Variants in PTER observed in about 807,000 individuals in gnomAD.
PTER encodes the protein N-acetyltaurine hydrolase.
PTER carries 38 observed loss-of-function variants against 29.6 expected under a neutral mutation model. The observed-to-expected ratio is 1.28, with a 90% CI of 0.99 to 1.68. The LOEUF is 1.68. Ranked by LOEUF, PTER falls within the 40% of genes most tolerant of loss-of-function variation. The pLI, the probability that PTER is intolerant of heterozygous loss-of-function variation, is 0.00. For missense variants in PTER, 482 were observed against 427.8 expected, an observed-to-expected ratio of 1.13 and a Z score of -1.12; for synonymous variants, 172 against 154.5, an observed-to-expected ratio of 1.11 and a Z score of -0.84.
intron 1 of PTER, among the ~76,000 whole-genome samples, chr10:16,470,579 C>T (rs1835010072): frequency 6.6e-6 from 1 of 152,074 alleles, no homozygotes; most frequent in African/African-American, 2.4e-5. Context: ...ACCAGCCTGG[C>T]CAACAGAGTG....
chr10:16,484,958 G>C, intron 2 of PTER, 142 bp downstream of exon 2: 3 of 860,156 alleles, frequency 3.5e-6, no homozygotes, highest in Non-Finnish European at 5.1e-6. Flanking sequence ...TGGGGCCCCA[G>C]TTAGTAACAC....
intron 4 of PTER, 81 bp downstream of exon 4, chr10:16,505,241 AT>A: frequency 6.5e-7 from 1 of 1,532,124 alleles, no homozygotes; most frequent in Admixed American, 1.9e-5. Flanking sequence ...ATTAGCAAAG[AT>A]TCAGAAAACA....
intron 3 of PTER, among the ~76,000 whole-genome samples, chr10:16,501,373 A>G (rs921101554): frequency 2.0e-4 from 29 of 143,834 alleles, no homozygotes; most frequent in East Asian, 6.6e-4. Flanking sequence ...ACACACATGC[A>G]CACACACACA....
At position 16,438,537 on chromosome 10, in the gene PTER, G is replaced by C. The variant is rs1237852282; in HGVS notation, c.-49+1490G>C. 2.5e-4 allele frequency among the ~76,000 whole-genome samples: 37 copies of C among 148,692 alleles called. No homozygotes were observed. In the Middle Eastern group the frequency reaches 0.011, roughly 43 times the overall value. On this transcript the variant is annotated intron_variant, in intron 1 of 4. Transcript: ENST00000535784. ...TTGTCCAGGTTGGTGTCAAACTCCT[G>C]GGCTCAAATGATCTGGCTGCCTCGG... is the stretch of plus-strand genomic sequence containing the variant.
chr10:16,477,524 T>C (rs1835324201), intron 1 of PTER, among the ~76,000 whole-genome samples: 1 of 152,158 alleles, frequency 6.6e-6, no homozygotes, highest in Non-Finnish European at 1.5e-5. Context: ...CTTTCATTGT[T>C]TGTTAGTGAT....
At chr10:16,476,760 G>A (rs1687906589) in intron 1 of PTER, among the ~76,000 whole-genome samples, 1 of 151,450 alleles carries the variant, frequency 6.6e-6, no homozygotes, top group Admixed American at 6.6e-5. Context: ...ACAAGGTGTT[G>A]CTATGTTTCC....
In PTER at chr10:16,511,602, A is replaced by C. The variant is rs1836813373; in HGVS notation, c.*346A>C. ...GAGAAAATTTAAAGTGTTTCTAGTT[A>C]AATTATTTCCTTCTTGAGCGATCTA... On this transcript the variant is annotated 3_prime_UTR_variant, in exon 5 of 5. Transcript: ENST00000535784. 4.4e-6 allele frequency: 1 copy of C among 225,926 alleles called. No individual in the cohort carries two copies. The highest frequency in any genetic ancestry group is 9.4e-5 in the South Asian group (1 of 10,630). The allele number at this position is 225,926 out of a possible 1,614,324, so 14.0% of individuals were successfully genotyped here.
At chr10:16,457,460 G>A (rs767107149) in intron 1 of PTER, among the ~76,000 whole-genome samples, 2 of 152,178 alleles carry the variant, frequency 1.3e-5, no homozygotes, top group Non-Finnish European at 2.9e-5. Flanking sequence ...TGATCCGCCC[G>A]TCTCGGCCTC....
At chr10:16,451,872 T>C (rs1004895767) in intron 1 of PTER, among the ~76,000 whole-genome samples, 1 of 152,190 alleles carries the variant, frequency 6.6e-6, no homozygotes, top group East Asian at 1.9e-4. Context: ...ATTGTGGAGA[T>C]GTTGCTAAGC....
At chr10:16,504,520 T>C (rs553665737) in intron 3 of PTER, among the ~76,000 whole-genome samples, 39 of 152,348 alleles carry the variant, frequency 2.6e-4, no homozygotes, top group East Asian at 1.7e-3. Context: ...AGAACCACTT[T>C]ACAATCTTCA....
chr10:16,474,924 T>C (rs1449273708), intron 1 of PTER, among the ~76,000 whole-genome samples: 1 of 152,162 alleles, frequency 6.6e-6, no homozygotes, highest in African/African-American at 2.4e-5. Flanking sequence ...CTCATCATTC[T>C]GAAGGCTGAG....
chr10:16,438,586 G>C (rs975837589), intron 1 of PTER, among the ~76,000 whole-genome samples: 2 of 150,554 alleles, frequency 1.3e-5, no homozygotes, highest in African/African-American at 2.4e-5. Flanking sequence ...TAGGATTACA[G>C]GCGTGAGCCA....
intron 2 of PTER, 100 bp from the exon 3 acceptor site, chr10:16,486,252 A>C: frequency 1.6e-6 from 2 of 1,290,208 alleles, no homozygotes; most frequent in Non-Finnish European, 2.1e-6. Context: ...TTTTTAAAAG[A>C]ATGAATGACA....
At chr10:16,500,486 A>G (rs1361777140) in intron 3 of PTER, among the ~76,000 whole-genome samples, 2 of 151,854 alleles carry the variant, frequency 1.3e-5, no homozygotes, top group Non-Finnish European at 1.5e-5. Context: ...TCCTGAGCTC[A>G]AGGGATCCTT....
At chr10:16,439,556 A>C (rs901376265) in intron 1 of PTER, among the ~76,000 whole-genome samples, 1 of 152,192 alleles carries the variant, frequency 6.6e-6, no homozygotes, top group Non-Finnish European at 1.5e-5. Context: ...AGATTGTCTC[A>C]GTTTTAAGCT....
chr10:16,440,989 A>G (rs1004134700), intron 1 of PTER, among the ~76,000 whole-genome samples: 13 of 152,300 alleles, frequency 8.5e-5, no homozygotes, highest in African/African-American at 3.1e-4. Context: ...CCTATGAATC[A>G]TGCTCCTTTT....
At chr10:16,444,026 G>A (rs1390869658) in intron 1 of PTER, among the ~76,000 whole-genome samples, 5 of 141,750 alleles carry the variant, frequency 3.5e-5, no homozygotes, top group African/African-American at 1.1e-4. Context: ...TTTTTGAGAT[G>A]GAGTCTCGCT....
rs558554142 is a variant in PTER, at chr10:16,460,254, A to G, written c.-49+23207A>G. Among the ~76,000 whole-genome samples the G allele has an allele frequency of 8.5e-5, 13 of 152,286 alleles. No individual in the cohort carries two copies. In the South Asian group the frequency reaches 2.1e-3, roughly 24 times the overall value. On this transcript the variant is annotated intron_variant, in intron 1 of 4. Coordinates refer to ENST00000535784, the MANE Select transcript of PTER (RefSeq NM_001261836.2). ...CTTTTTTAGGCTAAGATGTGATGTT[A>G]CCTTGGGTTAATACTTCTTTATTAA...
chr10:16,515,694 G>A (rs1836939666), downstream of PTER, among the ~76,000 whole-genome samples: 1 of 152,114 alleles, frequency 6.6e-6, no homozygotes, highest in Non-Finnish European at 1.5e-5. Context: ...CTCAAATTAG[G>A]CTTCATATTC....
Sources: gnomAD v4.1 joint callset for allele counts (sites outside exome capture counted in the v4.1 genomes callset) on GRCh38, gnomAD v4.1.1 for gene constraint, MANE v1.5 for transcripts, NCBI Gene and HGNC (gene_info 2026-07-23, HGNC 2026-07-21) for gene names.